CHL1: variants seen among roughly 807,000 people sequenced by gnomAD.
CHL1 encodes cell adhesion molecule L1 like.
A neutral mutation model predicts 141.9 loss-of-function variants in CHL1; 96 were observed. That is an observed-to-expected ratio of 0.68 (90% CI 0.57 to 0.80). The LOEUF is 0.80. CHL1 is among the 30% of genes least tolerant of loss of function. The pLI, the probability that CHL1 is intolerant of heterozygous loss-of-function variation, is 0.00. For synonymous variants in CHL1, 613 were observed against 502.2 expected (o/e 1.22, Z -2.95); for missense variants, 1,820 against 1,457.2 (o/e 1.25, Z -4.05).
intron 5 of CHL1, among the ~76,000 whole-genome samples, chr3:332,056 C>A (rs1338917699): frequency 6.6e-6 from 1 of 152,170 alleles, no homozygotes; most frequent in Admixed American, 6.5e-5. Flanking sequence ...TACTTATGAC[C>A]AAACAATTCC....
At chr3:216,306 T>G (rs960281013) in intron 1 of CHL1, among the ~76,000 whole-genome samples, 1 of 152,220 alleles carries the variant, frequency 6.6e-6, no homozygotes, top group Non-Finnish European at 1.5e-5. Flanking sequence ...TTCTAAATAT[T>G]ATAGTTTTCT....
chr3:349,478 A>C lies in CHL1; in HGVS notation c.968A>C (p.Asn323Thr). The C allele has an allele frequency of 6.2e-7, 1 of 1,614,086 alleles. No homozygotes were observed. Among genetic ancestry groups the C allele is most frequent in the South Asian group, 1.1e-5 (1 of 91,088 alleles). ...IENVSYQDKG[N>T]YRCTASNFLG... ...AATGTCTCCTACCAGGACAAAGGAA[A>C]TTATCGCTGCACAGCCAGCAATTTC... Residue 323 changes from asparagine to threonine, a missense_variant, in exon 10 of 28, where the codon AAT becomes ACT. Transcript: ENST00000256509.
intron 2 of CHL1, among the ~76,000 whole-genome samples, chr3:271,586 A>G (rs138151896): frequency 3.3e-5 from 5 of 152,346 alleles, no homozygotes; most frequent in East Asian, 1.9e-4. Flanking sequence ...GGAAGCTTTC[A>G]TTTATGGTTG....
At chr3:378,019 C>T (rs1706555518) in intron 16 of CHL1, 77 bp downstream of exon 16, 5 of 1,317,450 alleles carry the variant, frequency 3.8e-6, no homozygotes, top group Non-Finnish European at 5.1e-6. Context: ...GCCAATAAAG[C>T]TAATGATTCT....
intron 9 of CHL1, 116 bp downstream of exon 9, chr3:344,825 A>T: frequency 8.9e-7 from 1 of 1,119,466 alleles, no homozygotes; most frequent in Non-Finnish European, 1.3e-6. Context: ...CCTTAAAAAA[A>T]TTAAATTCTG....
intron 1 of CHL1, among the ~76,000 whole-genome samples, chr3:229,789 C>T (rs988105176): frequency 6.6e-6 from 1 of 152,140 alleles, no homozygotes; most frequent in Admixed American, 6.6e-5. Flanking sequence ...TGACTGTGCA[C>T]AGTTTAGAAC....
intron 2 of CHL1, among the ~76,000 whole-genome samples, chr3:297,514 C>A (rs1173507927): frequency 6.6e-6 from 1 of 152,088 alleles, no homozygotes. Flanking sequence ...GAACAAATAT[C>A]ATAGTAATTC....
chr3:348,746 C>T (rs1340744332), intron 9 of CHL1, among the ~76,000 whole-genome samples: 1 of 152,206 alleles, frequency 6.6e-6, no homozygotes, highest in Non-Finnish European at 1.5e-5. Flanking sequence ...CTTTCCTCTG[C>T]TTCCCGACAA....
intron 2 of CHL1, among the ~76,000 whole-genome samples, chr3:250,218 G>C (rs1693562088): frequency 6.6e-6 from 1 of 152,022 alleles, no homozygotes; most frequent in Non-Finnish European, 1.5e-5. Flanking sequence ...TCCTGCCTCA[G>C]CCTCCCAAAT....
chr3:347,934 A>G (rs1455990304), intron 9 of CHL1, among the ~76,000 whole-genome samples: 2 of 152,218 alleles, frequency 1.3e-5, no homozygotes, highest in Non-Finnish European at 2.9e-5. Context: ...GAGTAGATAT[A>G]TAGAGATTAA....
chr3:264,275 T>C (rs971060202), intron 2 of CHL1, among the ~76,000 whole-genome samples: 3 of 152,036 alleles, frequency 2.0e-5, no homozygotes, highest in Non-Finnish European at 2.9e-5. Flanking sequence ...CCTGCCTTTA[T>C]TGCTTTCTTC....
chr3:337,875 T>G (rs1337315618), intron 5 of CHL1, among the ~76,000 whole-genome samples: 4 of 152,220 alleles, frequency 2.6e-5, no homozygotes, highest in Non-Finnish European at 5.9e-5. Context: ...TATAATCCTT[T>G]GGGTATATAC....
rs1250376658 is a variant in CHL1, at chr3:363,294, G to A, written c.1496G>A (p.Arg499Lys). Residue 499 changes from arginine to lysine, a missense_variant, in exon 14 of 28, where the codon AGA (arginine) becomes AAA (lysine). Transcript: ENST00000256509. ...IYENGTLQIN[R>K]TTEEDAGSYS... ...GAAAATGGCACATTGCAGATCAACA[G>A]AACCACCGAAGAAGATGCTGGGTCT... 6.2e-7 allele frequency: 1 copy of A among 1,613,636 alleles called. No individual in the cohort carries two copies. The highest frequency in any genetic ancestry group is 1.3e-5 in the African/African-American group (1 of 74,886).
At chr3:207,977 CTG>C (rs1699584714) in intron 1 of CHL1, among the ~76,000 whole-genome samples, 1 of 152,190 alleles carries the variant, frequency 6.6e-6, no homozygotes, top group South Asian at 2.1e-4. Flanking sequence ...ACCTTAACCA[CTG>C]TCCCCTCAAA....
chr3:295,445 A>T (rs1218137992), intron 2 of CHL1, among the ~76,000 whole-genome samples: 3 of 152,240 alleles, frequency 2.0e-5, no homozygotes, highest in African/African-American at 7.2e-5. Context: ...AATAAAAGTG[A>T]TACAATCATC....
chr3:265,507 A>T (rs1041253959), intron 2 of CHL1, among the ~76,000 whole-genome samples: 1 of 152,232 alleles, frequency 6.6e-6, no homozygotes, highest in African/African-American at 2.4e-5. Flanking sequence ...CTAACCTTTT[A>T]GTCAAAAAAT....
chr3:273,133 G>A (rs954902208), intron 2 of CHL1, among the ~76,000 whole-genome samples: 3 of 152,158 alleles, frequency 2.0e-5, no homozygotes, highest in African/African-American at 7.2e-5. Context: ...GTGGGAGCTT[G>A]GTAGTATTTC....
chr3:228,999 G>A (rs1031159677), intron 1 of CHL1, among the ~76,000 whole-genome samples: 13 of 152,066 alleles, frequency 8.5e-5, no homozygotes, highest in African/African-American at 3.1e-4. Context: ...AATACATTGT[G>A]CAGCCTAATA....
chr3:319,494 C>T (rs1366182560), intron 2 of CHL1, among the ~76,000 whole-genome samples, 189 bp from the exon 3 acceptor site: 7 of 150,430 alleles, frequency 4.7e-5, no homozygotes, highest in Non-Finnish European at 1.0e-4. Flanking sequence ...AGTATATATT[C>T]GCTGTCCTTT....
Sources: gnomAD v4.1 joint callset for allele counts (sites outside exome capture counted in the v4.1 genomes callset) on GRCh38, gnomAD v4.1.1 for gene constraint, MANE v1.5 for transcripts, NCBI Gene and HGNC (gene_info 2026-07-23, HGNC 2026-07-21) for gene names.